Variants in SEC14L1 observed in about 807,000 individuals in gnomAD.
The protein encoded by SEC14L1 is SEC14 like lipid binding 1.
In SEC14L1, 48 loss-of-function variants were observed where a neutral mutation model predicts 85.3. That is an observed-to-expected ratio of 0.56 (90% CI 0.45 to 0.72). The LOEUF (loss-of-function observed/expected upper bound fraction) is 0.72. Among genes scored for constraint, SEC14L1 ranks in the 30% least tolerant of loss-of-function variants. The probability of loss-of-function intolerance (pLI) is 0.00; values close to 1 mark genes in which losing one functional copy is unlikely to be tolerated. For missense variants in SEC14L1, 682 were observed against 921.4 expected (o/e 0.74, Z 3.36); for synonymous variants, 391 against 355.5 (o/e 1.10, Z -1.12).
At chr17:77,174,738 T>C (rs943568712) in intron 3 of SEC14L1, among the ~76,000 whole-genome samples, 1 of 152,154 alleles carries the variant, frequency 6.6e-6, no homozygotes, top group African/African-American at 2.4e-5. Context: ...GCCCCCAGAT[T>C]GTTGGGAACA....
At chr17:77,139,272 A>G (rs1414894661), upstream of SEC14L1, among the ~76,000 whole-genome samples, 1 of 150,748 alleles carries the variant, frequency 6.6e-6, no homozygotes, top group Non-Finnish European at 1.5e-5. Flanking sequence ...CCCAGGTTCA[A>G]GTGATTCTCC....
At chr17:77,193,647 A>G in intron 6 of SEC14L1, 98 bp downstream of exon 6, 1 of 1,291,394 alleles carries the variant, frequency 7.7e-7, no homozygotes, top group East Asian at 2.4e-5. Flanking sequence ...AGGGATTTGC[A>G]GCATTTCTTG....
At chr17:77,190,679 G>A (rs1975481890) in intron 3 of SEC14L1, 124 bp from the exon 4 acceptor site, 1 of 892,590 alleles carries the variant, frequency 1.1e-6, no homozygotes, top group South Asian at 1.7e-5. Flanking sequence ...CAGATGTGAA[G>A]ACAGTTGTGG....
At position 77,214,357 on chromosome 17, in the gene SEC14L1, C is replaced by T. The variant is rs1327248081; in HGVS notation, c.*334C>T. On this transcript the variant is annotated 3_prime_UTR_variant, in exon 17 of 17. Coordinates refer to ENST00000436233, the MANE Select transcript of SEC14L1 (RefSeq NM_001143998.2). ...ATATTGATGCAAAAAATTTTTCCAA[C>T]GAACTCCGCATTGTCCATTAGTGAA... is the stretch of plus-strand genomic sequence containing the variant. 1.1e-5 allele frequency: 12 copies of T among 1,066,292 alleles called. No homozygotes were observed. In the Admixed American group the frequency reaches 1.5e-4, roughly 13 times the overall value. 66.1% of individuals were successfully genotyped at this position (1,066,292 alleles called of 1,614,324 possible). A position where few individuals can be genotyped will look rare whatever the true frequency, so the allele number is the denominator to read the frequency against.
chr17:77,204,081 G>C, intron 10 of SEC14L1, among the ~76,000 whole-genome samples: 1 of 152,206 alleles, frequency 6.6e-6, no homozygotes, highest in South Asian at 2.1e-4. Context: ...GCCAGGCCCC[G>C]CTCCACTGCT....
rs146206525 is a variant in SEC14L1, at chr17:77,111,369, T to C, written c.-136+18022T>C. On this transcript the variant is annotated intron_variant, in intron 3 of 19. Coordinates refer to the SEC14L1 transcript ENST00000392476. ...GGAATGTTGAGGTTAAGATAAAAGA[T>C]TGTGGAGACCAAAGTTCTTTTGAAG... Among the ~76,000 whole-genome samples the C allele has an allele frequency of 7.0e-3, 1,062 of 151,664 alleles. 4 individuals are homozygous for C. The highest frequency in any genetic ancestry group is 0.021 in the African/African-American group (848 of 41,258).
intron 3 of SEC14L1, among the ~76,000 whole-genome samples, chr17:77,134,614 C>T (rs1201765748): frequency 5.9e-5 from 9 of 152,156 alleles, no homozygotes; most frequent in African/African-American, 2.2e-4. Flanking sequence ...TGCCTGTAAT[C>T]CCAGCTACTT....
chr17:77,123,314 G>T (rs978923062), intron 3 of SEC14L1, among the ~76,000 whole-genome samples: 1 of 151,514 alleles, frequency 6.6e-6, no homozygotes, highest in African/African-American at 2.4e-5. Flanking sequence ...CTCCCAAAGT[G>T]CTGGGATTAC....
At chr17:77,205,172 A>G (rs1039682077) in intron 10 of SEC14L1, 104 bp from the exon 11 acceptor site, 1 of 949,654 alleles carries the variant, frequency 1.1e-6, no homozygotes, top group Admixed American at 2.2e-5. Flanking sequence ...TTTGATTTAC[A>G]TGCTTATCTG....
chr17:77,150,254 T>C (rs1406318738), intron 3 of SEC14L1, among the ~76,000 whole-genome samples: 1 of 152,184 alleles, frequency 6.6e-6, no homozygotes, highest in Non-Finnish European at 1.5e-5. Context: ...AACCTGTGCC[T>C]GCCACAGACC....
intron 3 of SEC14L1, among the ~76,000 whole-genome samples, chr17:77,145,965 A>C (rs903979950): frequency 6.6e-6 from 1 of 151,926 alleles, no homozygotes; most frequent in Admixed American, 6.6e-5. Context: ...CCCCAGTTCA[A>C]CTCTGTGGCA....
At position 77,194,548 on chromosome 17, in the gene SEC14L1, T is replaced by C. The variant is rs1167551416; in HGVS notation, c.475-129T>C. On this transcript the variant is annotated intron_variant, in intron 6 of 16. Transcript: ENST00000436233. ...GCCTGGGCCACAAAGCGAGACCCTG[T>C]CTCAAAAAAAAAAAAAGATTGTGAG... 4 of 688,014 alleles carry C rather than the reference T, an allele frequency of 5.8e-6. No individual in the cohort carries two copies. The Admixed American group carries it at 8.6e-5, about 15-fold the overall frequency. 42.6% of individuals were successfully genotyped at this position (688,014 alleles called of 1,614,324 possible).
chr17:77,214,122 T>A lies in SEC14L1; in HGVS notation c.*99T>A. The A allele has an allele frequency of 6.6e-7, 1 of 1,510,120 alleles. No homozygotes were observed. Among genetic ancestry groups the A allele is most frequent in the South Asian group, 1.3e-5 (1 of 76,126 alleles). 93.5% of individuals were successfully genotyped at this position (1,510,120 alleles called of 1,614,324 possible). A position where few individuals can be genotyped will look rare whatever the true frequency, so the allele number is the denominator to read the frequency against. ...CCAGCGGCGACATTGTACAGACTCC[T>A]CTCACCTCTAGATAGCAAATAGCTC... is the stretch of plus-strand genomic sequence containing the variant. On this transcript the variant is annotated 3_prime_UTR_variant, in exon 17 of 17. Transcript: ENST00000436233.
chr17:77,092,719 C>T (rs980838968), intron 2 of SEC14L1, among the ~76,000 whole-genome samples: 4 of 152,066 alleles, frequency 2.6e-5, no homozygotes, highest in South Asian at 4.2e-4. Context: ...GAGGCTGAGG[C>T]GGGCGGATCA....
chr17:77,104,739 C>T (rs1475803031), intron 3 of SEC14L1, among the ~76,000 whole-genome samples: 6 of 147,414 alleles, frequency 4.1e-5, no homozygotes, highest in Admixed American at 3.4e-4. Flanking sequence ...TGCAGTGAGC[C>T]GAGATTGCGC....
At chr17:77,159,253 G>A (rs1973951067) in intron 3 of SEC14L1, among the ~76,000 whole-genome samples, 2 of 151,642 alleles carry the variant, frequency 1.3e-5, no homozygotes, top group South Asian at 2.1e-4. Flanking sequence ...TTTTAGTAGA[G>A]ATGGGGGTTC....
intron 3 of SEC14L1, among the ~76,000 whole-genome samples, chr17:77,181,473 C>G (rs1333896728): frequency 6.6e-6 from 1 of 152,220 alleles, no homozygotes; most frequent in Non-Finnish European, 1.5e-5. Context: ...AGTGCAATGG[C>G]ACAATCTCAG....
chr17:77,158,389 G>C (rs923987261), intron 3 of SEC14L1, among the ~76,000 whole-genome samples: 1 of 152,078 alleles, frequency 6.6e-6, no homozygotes, highest in Admixed American at 6.5e-5. Flanking sequence ...GACTACTCTC[G>C]GTACCTCTTA....
At chr17:77,169,223 T>G (rs1567906833) in intron 3 of SEC14L1, among the ~76,000 whole-genome samples, 3 of 152,126 alleles carry the variant, frequency 2.0e-5, no homozygotes, top group Non-Finnish European at 2.9e-5. Flanking sequence ...TTGGTTTGAC[T>G]ACACCCTGTT....
Sources: gnomAD v4.1 joint callset for allele counts (sites outside exome capture counted in the v4.1 genomes callset) on GRCh38, gnomAD v4.1.1 for gene constraint, MANE v1.5 for transcripts, NCBI Gene and HGNC (gene_info 2026-07-23, HGNC 2026-07-21) for gene names.